DSCAM: variants seen among roughly 807,000 people sequenced by gnomAD.
The protein encoded by DSCAM is DS cell adhesion molecule.
In DSCAM, 47 loss-of-function variants were observed where a neutral mutation model predicts 217.7. That is an observed-to-expected ratio of 0.22 (90% CI 0.17 to 0.28). The LOEUF (loss-of-function observed/expected upper bound fraction) is 0.28, where lower values mean the gene tolerates loss of function less well. Ranked by LOEUF, DSCAM falls within the 10% of genes least tolerant of loss-of-function variation. The pLI is 1.00. For missense variants in DSCAM, 2,080 were observed against 2,618.3 expected, an observed-to-expected ratio of 0.79 and a Z score of 4.49; for synonymous variants, 1,056 against 1,015.3, an observed-to-expected ratio of 1.04 and a Z score of -0.76.
At chr21:40,477,183 T>C (rs986127183) in intron 3 of DSCAM, among the ~76,000 whole-genome samples, 7 of 152,160 alleles carry the variant, frequency 4.6e-5, no homozygotes, top group African/African-American at 1.4e-4. Flanking sequence ...ACCTCATTCA[T>C]ACAATATTCA....
At chr21:40,323,894 A>G (rs1268157402) in intron 8 of DSCAM, among the ~76,000 whole-genome samples, 2 of 151,996 alleles carry the variant, frequency 1.3e-5, no homozygotes, top group Non-Finnish European at 2.9e-5. Flanking sequence ...ATCTGAGGTC[A>G]GGAGTTTGAG....
intron 3 of DSCAM, among the ~76,000 whole-genome samples, chr21:40,475,194 G>A (rs570858483): frequency 6.6e-6 from 1 of 152,344 alleles, no homozygotes; most frequent in South Asian, 2.1e-4. Context: ...CACTTCAGCT[G>A]GCTCCTCTGG....
At chr21:40,184,016 T>C (rs2090867616) in intron 14 of DSCAM, among the ~76,000 whole-genome samples, 2 of 152,254 alleles carry the variant, frequency 1.3e-5, no homozygotes, top group East Asian at 3.9e-4. Flanking sequence ...GGGCTCACTA[T>C]GGCCCATAGG....
intron 1 of DSCAM, among the ~76,000 whole-genome samples, chr21:40,823,330 G>A: frequency 6.6e-6 from 1 of 151,914 alleles, no homozygotes. Flanking sequence ...GAAAAAGTGA[G>A]GCTGCAGATG....
intron 3 of DSCAM, among the ~76,000 whole-genome samples, chr21:40,461,126 GA>G (rs1412942860): frequency 6.7e-6 from 1 of 149,274 alleles, no homozygotes; most frequent in African/African-American, 2.5e-5. Flanking sequence ...TTAAAAGAAA[GA>G]AAAAACATGA....
chr21:40,088,194 T>C (rs2089557611), intron 21 of DSCAM, among the ~76,000 whole-genome samples: 1 of 152,124 alleles, frequency 6.6e-6, no homozygotes, highest in Non-Finnish European at 1.5e-5. Context: ...AGGAAACAGG[T>C]GCCCCTACAG....
chr21:40,664,425 T>C (rs1334176535), intron 3 of DSCAM, among the ~76,000 whole-genome samples: 1 of 152,178 alleles, frequency 6.6e-6, no homozygotes, highest in East Asian at 1.9e-4. Context: ...CGGGATGAAG[T>C]TGCAGATCAC....
chr21:40,296,843 A>T (rs2073960153), intron 9 of DSCAM, among the ~76,000 whole-genome samples: 1 of 151,644 alleles, frequency 6.6e-6, no homozygotes, highest in Non-Finnish European at 1.5e-5. Context: ...AAAAAAAAAA[A>T]AAAAAAAAAA....
intron 2 of DSCAM, among the ~76,000 whole-genome samples, chr21:40,705,254 C>T (rs1205736633): frequency 6.6e-6 from 1 of 152,206 alleles, no homozygotes; most frequent in African/African-American, 2.4e-5. Flanking sequence ...AGTTGCTATA[C>T]AAATTTATGT....
intron 4 of DSCAM, among the ~76,000 whole-genome samples, chr21:40,364,761 C>CAT (rs35060347): frequency 0.022 from 3,066 of 139,526 alleles, 68 homozygotes; most frequent in African/African-American, 0.053. Flanking sequence ...AGTATATATA[C>CAT]ATATATATAT....
intron 2 of DSCAM, among the ~76,000 whole-genome samples, chr21:40,701,591 C>T (rs1297585287): frequency 6.6e-6 from 1 of 151,922 alleles, no homozygotes; most frequent in African/African-American, 2.4e-5. Flanking sequence ...TTTAGTGGCA[C>T]TCCCCAAATT....
Position 40,024,161 on chromosome 21 carries a change from T to C in DSCAM, c.5687-10775A>G, listed in dbSNP as rs182074401. Among the ~76,000 whole-genome samples the C allele has an allele frequency of 6.0e-3, 462 of 77,254 alleles. 147 individuals carry two copies. Among genetic ancestry groups the C allele is most frequent in the African/African-American group, 0.021 (428 of 20,162 alleles). The allele number at this position is 77,254 out of a possible 152,430, so 50.7% of individuals were successfully genotyped here. On this transcript the variant is annotated intron_variant, in intron 32 of 32. Transcript: ENST00000400454. ...CATTGCTTGTTTTTTCTCAGGTTGGTCAAAGATCAGATAGTTGTAGATATG... is the reference window on the plus strand; with the variant it reads ...CATTGCTTGTTTTTTCTCAGGTTGGCCAAAGATCAGATAGTTGTAGATATG...
intron 11 of DSCAM, among the ~76,000 whole-genome samples, chr21:40,208,908 T>C (rs1247129182): frequency 6.6e-6 from 1 of 152,166 alleles, no homozygotes; most frequent in Non-Finnish European, 1.5e-5. Flanking sequence ...ATAGGAAGCA[T>C]GCAACTAAGG....
rs533395870 is a variant in DSCAM, at chr21:40,012,575, C to A, written c.*459G>T. ...CAACAAAAGAAGACCAAATTGAGAACCCGGTTTCTAATGGGAAAGAAAGGT... is the reference window on the plus strand; with the variant it reads ...CAACAAAAGAAGACCAAATTGAGAAACCGGTTTCTAATGGGAAAGAAAGGT... On this transcript the variant is annotated 3_prime_UTR_variant, in exon 33 of 33. Transcript: ENST00000400454. The A allele has an allele frequency of 6.6e-6, 1 of 152,148 alleles. No individual in the cohort carries two copies. The highest frequency in any genetic ancestry group is 2.1e-4 in the South Asian group (1 of 4,826). The allele number at this position is 152,148 out of a possible 1,614,324, so 9.4% of individuals were successfully genotyped here. A position where few individuals can be genotyped will look rare whatever the true frequency, so the allele number is the denominator to read the frequency against.
Position 40,618,317 on chromosome 21 carries a change from C to T in DSCAM, c.508+74493G>A, listed in dbSNP as rs117746713. Among the ~76,000 whole-genome samples, 888 of 152,282 alleles carry T rather than the reference C, an allele frequency of 5.8e-3. 6 individuals are homozygous for T. Among genetic ancestry groups the T allele is most frequent in the Non-Finnish European group, 0.011 (725 of 68,010 alleles). ...CTGATGAGCTCTCCGTGGTCTTTGC[C>T]TTTATGGAACTTCCACATGACATCC... is the stretch of plus-strand genomic sequence containing the variant. On this transcript the variant is annotated intron_variant, in intron 3 of 32. Coordinates refer to ENST00000400454, the MANE Select transcript of DSCAM (RefSeq NM_001389.5).
At chr21:40,813,164 G>A (rs969621771) in intron 1 of DSCAM, among the ~76,000 whole-genome samples, 1 of 152,214 alleles carries the variant, frequency 6.6e-6, no homozygotes, top group East Asian at 1.9e-4. Flanking sequence ...GTATAATAGA[G>A]ATGATGATTG....
At chr21:40,107,089 C>T (rs964674396) in intron 20 of DSCAM, among the ~76,000 whole-genome samples, 1 of 152,114 alleles carries the variant, frequency 6.6e-6, no homozygotes, top group Admixed American at 6.5e-5. Context: ...ACCTTTCTAA[C>T]TTTTTGACGT....
At chr21:40,111,423 C>T (rs1601340836) in intron 20 of DSCAM, among the ~76,000 whole-genome samples, 1 of 151,940 alleles carries the variant, frequency 6.6e-6, no homozygotes, top group African/African-American at 2.4e-5. Flanking sequence ...AAGCACTAAA[C>T]ATGGAAAGGA....
intron 20 of DSCAM, 47 bp from the exon 21 acceptor site, chr21:40,093,921 C>CA: frequency 6.3e-7 from 1 of 1,578,634 alleles, no homozygotes; most frequent in Non-Finnish European, 8.6e-7. Flanking sequence ...AAGCATGTGG[C>CA]AAAAATGGAT....
Sources: gnomAD v4.1 joint callset for allele counts (sites outside exome capture counted in the v4.1 genomes callset) on GRCh38, gnomAD v4.1.1 for gene constraint, MANE v1.5 for transcripts, NCBI Gene and HGNC (gene_info 2026-07-23, HGNC 2026-07-21) for gene names.